NCOR1: variants seen among roughly 807,000 people sequenced by gnomAD.
NCOR1 encodes the protein protein phosphatase 1, regulatory subunit 109.
Under a neutral mutation model 288.1 loss-of-function variants are expected in NCOR1, and 63 were observed. That is an observed-to-expected ratio of 0.22 (90% confidence interval 0.18 to 0.27). The LOEUF (loss-of-function observed/expected upper bound fraction) is 0.27. NCOR1 is among the 10% of genes least tolerant of loss of function. The probability of loss-of-function intolerance (pLI) is 1.00; values close to 1 mark genes in which losing one functional copy is unlikely to be tolerated. For synonymous variants in NCOR1, 1,007 were observed against 1,065.9 expected (o/e 0.94, Z 1.08); for missense variants, 2,397 against 3,019.2 (o/e 0.79, Z 4.83).
At position 16,158,754 on chromosome 17, in the gene NCOR1, G is replaced by A. The variant is rs1292005524; in HGVS notation, c.732+6C>T. The A allele has an allele frequency of 1.2e-6, 2 of 1,600,418 alleles. No individual in the cohort carries two copies. The highest frequency in any genetic ancestry group is 2.2e-5 in the East Asian group (1 of 44,778). ...GCCTGTGCTGCCAGAGATGGTATGA[G>A]CTTACCCGATTCTCATCATAAATAA... On this transcript the variant is annotated splice_donor_region_variant and intron_variant, in intron 6 of 45. Coordinates refer to ENST00000268712, the MANE Select transcript of NCOR1 (RefSeq NM_006311.4).
At chr17:16,105,907 C>T (rs2068527669) in intron 19 of NCOR1, among the ~76,000 whole-genome samples, 1 of 152,164 alleles carries the variant, frequency 6.6e-6, no homozygotes, top group South Asian at 2.1e-4. Context: ...CGAGACAAGC[C>T]TGACCAACGT....
At chr17:16,107,375 G>A (rs904243163) in intron 19 of NCOR1, among the ~76,000 whole-genome samples, 8 of 152,106 alleles carry the variant, frequency 5.3e-5, no homozygotes, top group Non-Finnish European at 1.0e-4. Context: ...AGTAGGAGTT[G>A]TCTTCATATG....
chr17:16,118,214 T>C lies in NCOR1; in HGVS notation c.1916-187A>G, dbSNP rs147822174. ...TTGAAACAAAACTCATTTACAGTTCTATATTTTTCCCCCTCAAATTTAAAA... is the reference window on the plus strand; with the variant it reads ...TTGAAACAAAACTCATTTACAGTTCCATATTTTTCCCCCTCAAATTTAAAA... On this transcript the variant is annotated intron_variant, in intron 17 of 45. Transcript: ENST00000268712. Among the ~76,000 whole-genome samples, 818 of 152,348 alleles carry C rather than the reference T, an allele frequency of 5.4e-3. 6 individuals carry two copies. Among genetic ancestry groups the C allele is most frequent in the African/African-American group, 0.019 (776 of 41,580 alleles).
At chr17:16,059,480 G>A (rs2060315085) in intron 37 of NCOR1, among the ~76,000 whole-genome samples, 1 of 152,166 alleles carries the variant, frequency 6.6e-6, no homozygotes, top group East Asian at 1.9e-4. Context: ...TCCCAGAAAG[G>A]GAGGATGTCA....
At chr17:16,105,558 T>C (rs4791662) in intron 19 of NCOR1, among the ~76,000 whole-genome samples, 67,172 of 152,000 alleles carry the variant, frequency 0.44, 16,093 homozygotes, top group Middle Eastern at 0.59. Context: ...CCTAATTTAT[T>C]GATATAGTGA....
chr17:16,175,260 C>T (rs756691785), intron 3 of NCOR1, among the ~76,000 whole-genome samples: 2 of 151,796 alleles, frequency 1.3e-5, no homozygotes, highest in African/African-American at 4.8e-5. Flanking sequence ...CCCAGCTACT[C>T]GGGAAACTGA....
rs2084840251 is a variant in NCOR1 at position 16,179,036 on chromosome 17, G to A, written c.243-7041C>T. On this transcript the variant is annotated intron_variant, in intron 3 of 45. Transcript: ENST00000268712. ...AAGAATCGTTTGAACATGAGAGGCAGAGGTTGCAGTGAGTCAAGATCATGT... is the reference window on the plus strand; with the variant it reads ...AAGAATCGTTTGAACATGAGAGGCAAAGGTTGCAGTGAGTCAAGATCATGT... Among the ~76,000 whole-genome samples, 4 of 152,120 alleles carry A rather than the reference G, an allele frequency of 2.6e-5. No homozygotes were observed. The South Asian group carries it at 8.3e-4, about 32-fold the overall frequency.
intron 14 of NCOR1, among the ~76,000 whole-genome samples, chr17:16,129,798 G>GT (rs1467190964): frequency 6.6e-6 from 1 of 152,230 alleles, no homozygotes; most frequent in Non-Finnish European, 1.5e-5. Context: ...TCAGCAGAAC[G>GT]TAAGGAAAGA....
chr17:16,182,402 A>C (rs1316754476), intron 3 of NCOR1, among the ~76,000 whole-genome samples: 1 of 152,184 alleles, frequency 6.6e-6, no homozygotes, highest in Non-Finnish European at 1.5e-5. Context: ...AAACTTTTAA[A>C]CACTCAGGGC....
intron 32 of NCOR1, among the ~76,000 whole-genome samples, chr17:16,066,151 G>C (rs2061098792): frequency 6.6e-6 from 1 of 152,162 alleles, no homozygotes; most frequent in Non-Finnish European, 1.5e-5. Context: ...CATGTGTTTG[G>C]AGCAGAGATT....
intron 42 of NCOR1, among the ~76,000 whole-genome samples, chr17:16,042,586 A>G (rs888157836): frequency 2.6e-5 from 4 of 152,160 alleles, no homozygotes; most frequent in Non-Finnish European, 4.4e-5. Context: ...GGTGACTGGT[A>G]CCTACTGTTG....
intron 19 of NCOR1, among the ~76,000 whole-genome samples, chr17:16,102,747 C>T (rs2084055013): frequency 6.6e-6 from 1 of 152,082 alleles, no homozygotes; most frequent in African/African-American, 2.4e-5. Flanking sequence ...GTGCCTGGCA[C>T]CATGCCCGGC....
At position 16,155,771 on chromosome 17, in the gene NCOR1, C is replaced by T. The variant is rs1490172991; in HGVS notation, c.733-2376G>A. Among the ~76,000 whole-genome samples the T allele has an allele frequency of 2.0e-5, 3 of 152,158 alleles. No homozygotes were observed. The East Asian group carries it at 5.8e-4, about 29-fold the overall frequency. ...GGGAGGTGTACTTCTGTAATTACCC[C>T]ATTCCTCCTTGCCTATGGTGCTGAA... On this transcript the variant is annotated intron_variant, in intron 6 of 45. Transcript: ENST00000268712.
chr17:16,187,900 T>TA (rs75372492), intron 2 of NCOR1, among the ~76,000 whole-genome samples: 3,001 of 123,056 alleles, frequency 0.024, 71 homozygotes, highest in African/African-American at 0.057. Context: ...ACACCATCTT[T>TA]AAAAAAAAAA....
intron 16 of NCOR1, 84 bp downstream of exon 16, chr17:16,120,967 TA>T: frequency 8.1e-7 from 1 of 1,242,192 alleles, no homozygotes; most frequent in Non-Finnish European, 1.1e-6. Context: ...TTGTCAATAT[TA>T]AAAGTCCTTT....
Position 16,101,460 on chromosome 17 carries a change from C to T in NCOR1, c.2480G>A (p.Arg827Lys). 1 of 1,614,164 alleles carries T rather than the reference C, an allele frequency of 6.2e-7. No homozygotes were observed. Among genetic ancestry groups the T allele is most frequent in the South Asian group, 1.1e-5 (1 of 91,076 alleles). ...TTTAGATGCATGGTTTTCTGGCACCCTCACTTCAACGTCCACAGAGTCAGC... is the reference window on the plus strand; with the variant it reads ...TTTAGATGCATGGTTTTCTGGCACCTTCACTTCAACGTCCACAGAGTCAGC... ...TKADSVDVEV[R>K]VPENHASKVE... The change falls in exon 20 of 46, where the codon AGG (arginine) becomes AAG (lysine). Residue 827 changes from arginine to lysine, a missense_variant. Arg to Lys is a conservative substitution (Grantham distance 26). Transcript: ENST00000268712.
At chr17:16,086,211 C>G in intron 23 of NCOR1, 71 bp downstream of exon 23, 1 of 1,454,290 alleles carries the variant, frequency 6.9e-7, no homozygotes, top group Non-Finnish European at 9.6e-7. Flanking sequence ...CAAATCAGTG[C>G]GAGGAGGGAG....
chr17:16,106,884 T>TATATATATATATATATATA (rs58380966), intron 19 of NCOR1, among the ~76,000 whole-genome samples: 7 of 32,700 alleles, frequency 2.1e-4, no homozygotes, highest in Admixed American at 4.4e-4. Flanking sequence ...TATATATATA[T>TATATATATATATATATATA]TTTTTTTTTT....
intron 41 of NCOR1, among the ~76,000 whole-genome samples, chr17:16,048,361 T>A (rs1204913709): frequency 3.9e-5 from 6 of 152,082 alleles, no homozygotes; most frequent in African/African-American, 1.4e-4. Flanking sequence ...TCTGCATGAG[T>A]TTTAGACAAA....
Sources: gnomAD v4.1 joint callset for allele counts (sites outside exome capture counted in the v4.1 genomes callset) on GRCh38, gnomAD v4.1.1 for gene constraint, MANE v1.5 for transcripts, NCBI Gene and HGNC (gene_info 2026-07-23, HGNC 2026-07-21) for gene names.